Variants in TNKS observed in about 807,000 individuals in gnomAD.
TNKS encodes the protein poly [ADP-ribose] polymerase tankyrase-1.
Under a neutral mutation model 135.8 loss-of-function variants are expected in TNKS, and 72 were observed. The ratio of observed to expected loss-of-function variants is 0.53; its 90% CI spans 0.44 to 0.64. The LOEUF (loss-of-function observed/expected upper bound fraction) is 0.64. Among genes scored for constraint, TNKS ranks in the 30% least tolerant of loss-of-function variants. The pLI is 0.00. For missense variants in TNKS, 1,769 were observed against 1,674.0 expected, an observed-to-expected ratio of 1.06 and a Z score of -0.99; for synonymous variants, 849 against 649.3, an observed-to-expected ratio of 1.31 and a Z score of -4.68.
chr8:9,759,168 G>A (rs1807009357), intron 20 of TNKS, among the ~76,000 whole-genome samples: 1 of 152,222 alleles, frequency 6.6e-6, no homozygotes, highest in South Asian at 2.1e-4. Flanking sequence ...CTGCACTCCA[G>A]GGGAGGGGAG....
chr8:9,673,298 T>C (rs1802385250), intron 3 of TNKS, among the ~76,000 whole-genome samples: 2 of 151,948 alleles, frequency 1.3e-5, no homozygotes. Context: ...TTTTAGGACA[T>C]TGATTGAGGT....
chr8:9,674,151 A>T (rs899567086), intron 3 of TNKS, among the ~76,000 whole-genome samples: 1 of 152,208 alleles, frequency 6.6e-6, no homozygotes, highest in Non-Finnish European at 1.5e-5. Context: ...CCATCTTAGA[A>T]AAACTGCTTA....
rs150141506 is a variant in TNKS at position 9,671,890 on chromosome 8, T to G, written c.995-8061T>G. Among the ~76,000 whole-genome samples the G allele has an allele frequency of 4.5e-3, 693 of 152,334 alleles. 3 individuals carry two copies. Among genetic ancestry groups the G allele is most frequent in the Non-Finnish European group, 7.6e-3 (518 of 68,026 alleles). On this transcript the variant is annotated intron_variant, in intron 3 of 26. Coordinates refer to ENST00000310430, the MANE Select transcript of TNKS (RefSeq NM_003747.3). The stretch of plus-strand genomic sequence containing the variant: ...GTGGAAAATTCCTGAAATAAACAAT[T>G]TATAAGTTTTATATGGCATGATGCT...
intron 3 of TNKS, among the ~76,000 whole-genome samples, chr8:9,616,316 A>T (rs1052939085): frequency 2.6e-5 from 4 of 152,222 alleles, no homozygotes; most frequent in African/African-American, 9.6e-5. Context: ...AATATAGAAA[A>T]TAGTGCTCTA....
At chr8:9,613,652 C>G (rs760994471) in intron 2 of TNKS, among the ~76,000 whole-genome samples, 2 of 152,152 alleles carry the variant, frequency 1.3e-5, no homozygotes, top group African/African-American at 2.4e-5. Flanking sequence ...GTAGGCATGG[C>G]CCAAACATAT....
At chr8:9,690,040 G>C (rs947968786) in intron 5 of TNKS, among the ~76,000 whole-genome samples, 12 of 152,190 alleles carry the variant, frequency 7.9e-5, no homozygotes, top group African/African-American at 2.9e-4. Flanking sequence ...CATGAAGTGT[G>C]AAACATCAAG....
intron 2 of TNKS, among the ~76,000 whole-genome samples, chr8:9,591,832 T>C (rs1165381584): frequency 1.3e-5 from 2 of 152,212 alleles, no homozygotes; most frequent in African/African-American, 4.8e-5. Flanking sequence ...ATAAGATTTC[T>C]GCTTGACAAT....
chr8:9,646,186 C>G (rs1483623345), intron 3 of TNKS, among the ~76,000 whole-genome samples: 1 of 152,066 alleles, frequency 6.6e-6, no homozygotes, highest in African/African-American at 2.4e-5. Flanking sequence ...TTGGTCTTCT[C>G]TTGCTCTTGA....
chr8:9,586,810 T>C (rs1798398457), intron 2 of TNKS, among the ~76,000 whole-genome samples: 1 of 151,304 alleles, frequency 6.6e-6, no homozygotes, highest in Admixed American at 6.6e-5. Context: ...AGTTTTGGGC[T>C]AATAATATGC....
intron 1 of TNKS, among the ~76,000 whole-genome samples, chr8:9,577,844 C>G (rs1304604920): frequency 6.6e-6 from 1 of 152,134 alleles, no homozygotes; most frequent in Admixed American, 6.5e-5. Context: ...ACTCAAAAGT[C>G]CAGAGTTCAA....
intron 3 of TNKS, among the ~76,000 whole-genome samples, chr8:9,632,629 C>A (rs1440893020): frequency 2.0e-5 from 3 of 152,200 alleles, no homozygotes; most frequent in African/African-American, 7.2e-5. Flanking sequence ...CTCTACTTAG[C>A]TGTCACCTCT....
At chr8:9,596,919 C>G (rs951309568) in intron 2 of TNKS, among the ~76,000 whole-genome samples, 1 of 152,232 alleles carries the variant, frequency 6.6e-6, no homozygotes, top group Admixed American at 6.5e-5. Context: ...AGGTATTTTT[C>G]AAGCGTTCCC....
chr8:9,715,436 C>A, intron 11 of TNKS, among the ~76,000 whole-genome samples: 1 of 151,964 alleles, frequency 6.6e-6, no homozygotes, highest in Admixed American at 6.6e-5. Context: ...AAGATGGTAG[C>A]TGTATGGAAA....
intron 5 of TNKS, chr8:9,681,117 A>G (rs1400020096): frequency 9.9e-6 from 2 of 202,938 alleles, no homozygotes; most frequent in South Asian, 1.8e-4. Context: ...AACTGGAAAT[A>G]TGAGTGTCCT....
rs762993881 is a variant in TNKS at position 9,706,792 on chromosome 8, G to GT, written c.1270-11dup. 3.5e-5 allele frequency: 55 copies of GT among 1,579,536 alleles called. No homozygotes were observed. The highest frequency in any genetic ancestry group is 2.0e-4 in the Admixed American group (10 of 50,698). Reference sequence around the variant, plus strand: ...AGCAAAATGATTACTGACCTAAAATGTTTTTTTTCTCAATTCAGCATGGAG... The same window carrying GT: ...AGCAAAATGATTACTGACCTAAAATGTTTTTTTTTCTCAATTCAGCATGGAG... On this transcript the variant is annotated intron_variant, in intron 7 of 26. Transcript: ENST00000310430.
intron 3 of TNKS, among the ~76,000 whole-genome samples, chr8:9,629,197 C>T (rs1800186426): frequency 6.6e-6 from 1 of 152,196 alleles, no homozygotes; most frequent in Non-Finnish European, 1.5e-5. Flanking sequence ...TCACTAAGCA[C>T]ACCTTTAGTT....
At chr8:9,664,347 A>G (rs989327927) in intron 3 of TNKS, among the ~76,000 whole-genome samples, 2 of 152,138 alleles carry the variant, frequency 1.3e-5, no homozygotes, top group African/African-American at 4.8e-5. Context: ...GAAGGAACTA[A>G]TAGAGTGAGA....
intron 17 of TNKS, among the ~76,000 whole-genome samples, chr8:9,741,997 C>G (rs1234886956): frequency 6.6e-6 from 1 of 152,088 alleles, no homozygotes; most frequent in African/African-American, 2.4e-5. Flanking sequence ...TGTTAAATCC[C>G]TACTACTTAG....
intron 1 of TNKS, chr8:9,558,067 A>G (rs990037109): frequency 6.6e-6 from 1 of 152,172 alleles, no homozygotes; most frequent in South Asian, 2.1e-4. Flanking sequence ...CATGTTTTTT[A>G]TTGTAGCCCA....
Sources: gnomAD v4.1 joint callset for allele counts (sites outside exome capture counted in the v4.1 genomes callset) on GRCh38, gnomAD v4.1.1 for gene constraint, MANE v1.5 for transcripts, NCBI Gene and HGNC (gene_info 2026-07-23, HGNC 2026-07-21) for gene names.